The following CCSER1 variants were observed in gnomAD, a reference collection of about 807,000 sequenced individuals.
CCSER1 encodes the protein serine-rich coiled-coil domain-containing protein 1.
CCSER1 carries 41 observed loss-of-function variants against 82.0 expected under a neutral mutation model. The observed-to-expected ratio is 0.50, with a 90% CI of 0.39 to 0.65. The LOEUF is 0.65. Ranked by LOEUF, CCSER1 falls within the 30% of genes least tolerant of loss-of-function variation. The pLI, the probability that CCSER1 is intolerant of heterozygous loss-of-function variation, is 0.00. For missense variants in CCSER1, 1,119 were observed against 1,064.2 expected (o/e 1.05, Z -0.72); for synonymous variants, 414 against 383.9 (o/e 1.08, Z -0.92).
intron 6 of CCSER1, among the ~76,000 whole-genome samples, chr4:90,691,504 G>C (rs574567899): frequency 6.6e-6 from 1 of 151,652 alleles, no homozygotes; most frequent in Non-Finnish European, 1.5e-5. Context: ...ATAAACGTGT[G>C]TATATATTAC....
At chr4:91,253,681 G>A (rs1366657930) in intron 10 of CCSER1, among the ~76,000 whole-genome samples, 1 of 152,122 alleles carries the variant, frequency 6.6e-6, no homozygotes, top group Non-Finnish European at 1.5e-5. Flanking sequence ...TATGCACATA[G>A]TAACTGTATT....
intron 10 of CCSER1, among the ~76,000 whole-genome samples, chr4:91,154,803 A>G (rs1730639820): frequency 6.6e-6 from 1 of 152,040 alleles, no homozygotes; most frequent in African/African-American, 2.4e-5. Flanking sequence ...GCCTGATTTT[A>G]TGTTACTCTA....
chr4:90,796,075 T>A, intron 7 of CCSER1, among the ~76,000 whole-genome samples: 1 of 152,142 alleles, frequency 6.6e-6, no homozygotes, highest in East Asian at 1.9e-4. Flanking sequence ...ACATACTGGC[T>A]CTTCCTGTAC....
chr4:90,787,319 C>A (rs1214913499), intron 7 of CCSER1, among the ~76,000 whole-genome samples: 1 of 152,136 alleles, frequency 6.6e-6, no homozygotes, highest in African/African-American at 2.4e-5. Context: ...ATCTAATGCA[C>A]CCATTATAAC....
intron 4 of CCSER1, among the ~76,000 whole-genome samples, chr4:90,432,567 C>T (rs2153567383): frequency 6.6e-6 from 1 of 151,444 alleles, no homozygotes; most frequent in Non-Finnish European, 1.5e-5. Flanking sequence ...TCCTTCCTTC[C>T]TTCCTTCTTT....
In CCSER1 at chr4:90,628,352, C is replaced by T. The variant is rs987053027; in HGVS notation, c.1932+120C>T. ...ATGACATTGGGCAGGGGTCAGGTTTCCTCTTGGAGCTTAGCTATTTTCATA... is the reference window on the plus strand; with the variant it reads ...ATGACATTGGGCAGGGGTCAGGTTTTCTCTTGGAGCTTAGCTATTTTCATA... On this transcript the variant is annotated intron_variant, in intron 6 of 10. Transcript: ENST00000509176. 5 of 696,742 alleles carry T rather than the reference C, an allele frequency of 7.2e-6. No homozygotes were observed. In the East Asian group the frequency reaches 1.1e-4, roughly 15 times the overall value. 43.2% of individuals were successfully genotyped at this position (696,742 alleles called of 1,614,324 possible).
At chr4:90,705,233 G>C (rs994956055) in intron 6 of CCSER1, among the ~76,000 whole-genome samples, 1 of 152,194 alleles carries the variant, frequency 6.6e-6, no homozygotes, top group Non-Finnish European at 1.5e-5. Flanking sequence ...TTTGCTGGAA[G>C]TCCACTCCAG....
chr4:90,706,131 A>C (rs1318077095), intron 6 of CCSER1, among the ~76,000 whole-genome samples: 1 of 152,106 alleles, frequency 6.6e-6, no homozygotes, highest in African/African-American at 2.4e-5. Context: ...CCTATGTCTC[A>C]ATCTTAAACT....
intron 7 of CCSER1, among the ~76,000 whole-genome samples, chr4:90,799,154 G>A (rs1242356502): frequency 6.6e-6 from 1 of 152,136 alleles, no homozygotes; most frequent in Non-Finnish European, 1.5e-5. Flanking sequence ...TTGGCTCAGG[G>A]GTGGGGTGCT....
At chr4:90,319,364 A>G (rs918290607) in intron 3 of CCSER1, among the ~76,000 whole-genome samples, 1 of 152,150 alleles carries the variant, frequency 6.6e-6, no homozygotes, top group Non-Finnish European at 1.5e-5. Context: ...AATTAAAAAC[A>G]AGACAGCCTG....
intron 5 of CCSER1, among the ~76,000 whole-genome samples, chr4:90,497,898 C>T (rs906744137): frequency 6.6e-5 from 10 of 151,544 alleles, no homozygotes; most frequent in Admixed American, 4.6e-4. Flanking sequence ...AGGTTCTTCT[C>T]ATGAGGGAGT....
intron 10 of CCSER1, among the ~76,000 whole-genome samples, chr4:91,361,065 A>G (rs1428911407): frequency 6.6e-6 from 1 of 150,562 alleles, no homozygotes; most frequent in African/African-American, 2.4e-5. Flanking sequence ...AATAGATGAA[A>G]CCAAAGTTAT....
At chr4:91,183,430 G>A (rs1003386804) in intron 10 of CCSER1, among the ~76,000 whole-genome samples, 6 of 152,140 alleles carry the variant, frequency 3.9e-5, no homozygotes, top group African/African-American at 1.4e-4. Context: ...TTATTTTAGG[G>A]AGAATCCAAT....
At chr4:91,334,686 T>G (rs989759390) in intron 10 of CCSER1, among the ~76,000 whole-genome samples, 2 of 152,102 alleles carry the variant, frequency 1.3e-5, no homozygotes, top group Non-Finnish European at 2.9e-5. Context: ...GCTGTATTTG[T>G]GCATTGTTTT....
intron 1 of CCSER1, among the ~76,000 whole-genome samples, chr4:90,145,872 T>C (rs569985679): frequency 6.6e-6 from 1 of 152,264 alleles, no homozygotes; most frequent in South Asian, 2.1e-4. Flanking sequence ...CATATAATGC[T>C]GATCTATGCA....
intron 7 of CCSER1, among the ~76,000 whole-genome samples, 161 bp downstream of exon 7, chr4:90,724,152 A>G (rs1005209751): frequency 1.3e-5 from 2 of 151,992 alleles, no homozygotes; most frequent in African/African-American, 4.8e-5. Context: ...TTGTCATTCT[A>G]TTGCTAACTA....
intron 9 of CCSER1, among the ~76,000 whole-genome samples, chr4:91,038,458 C>G (rs971788516): frequency 1.3e-4 from 19 of 148,088 alleles, no homozygotes; most frequent in African/African-American, 4.7e-4. Flanking sequence ...TAAAAAGATT[C>G]ATGTGAAAAC....
intron 10 of CCSER1, among the ~76,000 whole-genome samples, chr4:91,262,404 G>A (rs1447576489): frequency 6.6e-6 from 1 of 151,834 alleles, no homozygotes; most frequent in African/African-American, 2.4e-5. Flanking sequence ...CAAGGTATGT[G>A]GTATAATTTT....
intron 10 of CCSER1, among the ~76,000 whole-genome samples, chr4:91,475,086 C>T (rs1364474782): frequency 6.6e-6 from 1 of 151,702 alleles, no homozygotes; most frequent in East Asian, 1.9e-4. Context: ...CATAGAGTCT[C>T]TACTGTTACA....
Sources: gnomAD v4.1 joint callset for allele counts (sites outside exome capture counted in the v4.1 genomes callset) on GRCh38, gnomAD v4.1.1 for gene constraint, MANE v1.5 for transcripts, NCBI Gene and HGNC (gene_info 2026-07-23, HGNC 2026-07-21) for gene names.